The following RCAN1 variants were observed in gnomAD, a reference collection of about 807,000 sequenced individuals.
RCAN1 encodes calcipressin-1.
RCAN1 carries 11 observed loss-of-function variants against 22.9 expected under a neutral mutation model. That is an observed-to-expected ratio of 0.48 (90% CI 0.30 to 0.79). RCAN1 has a LOEUF of 0.79. RCAN1 is among the 30% of genes least tolerant of loss of function. The pLI, the probability that RCAN1 is intolerant of heterozygous loss-of-function variation, is 0.06. For synonymous variants in RCAN1, 136 were observed against 142.3 expected, an observed-to-expected ratio of 0.96 and a Z score of 0.32; for missense variants, 291 against 337.8, an observed-to-expected ratio of 0.86 and a Z score of 1.09.
At chr21:34,599,705 C>T (rs893923813) in intron 1 of RCAN1, among the ~76,000 whole-genome samples, 1 of 152,104 alleles carries the variant, frequency 6.6e-6, no homozygotes, top group Non-Finnish European at 1.5e-5. Flanking sequence ...AGATGGGATA[C>T]CAACTATTAC....
chr21:34,568,223 C>T (rs1170550884), intron 1 of RCAN1, among the ~76,000 whole-genome samples: 1 of 152,186 alleles, frequency 6.6e-6, no homozygotes, highest in African/African-American at 2.4e-5. Context: ...TCAGCCCCTA[C>T]AATCGGAATT....
intron 1 of RCAN1, among the ~76,000 whole-genome samples, chr21:34,586,463 A>G (rs558627295): frequency 6.6e-6 from 1 of 152,358 alleles, no homozygotes; most frequent in African/African-American, 2.4e-5. Context: ...AAGAAATTAT[A>G]CTGGAAATCA....
intron 1 of RCAN1, chr21:34,613,933 G>A (rs1463053857): frequency 2.6e-6 from 3 of 1,166,132 alleles, no homozygotes; most frequent in South Asian, 2.9e-5. Flanking sequence ...CTCAAAGACC[G>A]GTTTCATTCT....
At chr21:34,602,151 A>G (rs929906869) in intron 1 of RCAN1, among the ~76,000 whole-genome samples, 3 of 152,152 alleles carry the variant, frequency 2.0e-5, no homozygotes, top group African/African-American at 4.8e-5. Flanking sequence ...GCTACATGCA[A>G]TTCTCACAGC....
intron 3 of RCAN1, chr21:34,521,194 C>T: frequency 1.5e-6 from 2 of 1,372,120 alleles, no homozygotes; most frequent in Non-Finnish European, 1.9e-6. Flanking sequence ...GGCCGGGGCT[C>T]AGGCCTCCCA....
intron 3 of RCAN1, chr21:34,521,030 T>C (rs901510115): frequency 8.8e-7 from 1 of 1,131,560 alleles, no homozygotes; most frequent in Non-Finnish European, 1.1e-6. Context: ...CCATGGCCTA[T>C]GGTTCTCCTT....
rs533552832 is a variant in RCAN1 at position 34,551,602 on chromosome 21, A to T, written c.253-27892T>A. ...CAGCTGCTGAAGTTTCCACACTGGG[A>T]CACTTCCCCTAGTGAACATTCTTTT... On this transcript the variant is annotated intron_variant, in intron 1 of 3. Coordinates refer to ENST00000313806, the MANE Select transcript of RCAN1 (RefSeq NM_004414.7). Among the ~76,000 whole-genome samples, 68 of 151,244 alleles carry T rather than the reference A, an allele frequency of 4.5e-4. No homozygotes were observed. The South Asian group carries it at 0.014, about 32-fold the overall frequency.
chr21:34,598,272 A>G (rs547975630), intron 1 of RCAN1, among the ~76,000 whole-genome samples: 6 of 152,356 alleles, frequency 3.9e-5, no homozygotes, highest in East Asian at 3.8e-4. Context: ...CAAATACTGG[A>G]AAAAAAGAAT....
At chr21:34,598,871 G>C (rs1178277497) in intron 1 of RCAN1, among the ~76,000 whole-genome samples, 1 of 152,124 alleles carries the variant, frequency 6.6e-6, no homozygotes, top group African/African-American at 2.4e-5. Context: ...AGGAAAAAAA[G>C]CAACAACTGA....
At chr21:34,563,346 C>G (rs1025840411) in intron 1 of RCAN1, among the ~76,000 whole-genome samples, 1 of 152,048 alleles carries the variant, frequency 6.6e-6, no homozygotes, top group Non-Finnish European at 1.5e-5. Flanking sequence ...ATAAAGGGTC[C>G]GTAGTCTTGA....
chr21:34,570,875 A>T (rs965347676), intron 1 of RCAN1, among the ~76,000 whole-genome samples: 3 of 152,254 alleles, frequency 2.0e-5, no homozygotes, highest in African/African-American at 4.8e-5. Flanking sequence ...TATATTTTTT[A>T]AAAAATTCTT....
chr21:34,520,892 C>T (rs1984461689), intron 3 of RCAN1, among the ~76,000 whole-genome samples: 1 of 152,180 alleles, frequency 6.6e-6, no homozygotes, highest in Non-Finnish European at 1.5e-5. Flanking sequence ...AGGAACCTAC[C>T]CCCTCCCCGC....
chr21:34,585,837 T>C (rs981272268), intron 1 of RCAN1, among the ~76,000 whole-genome samples: 16 of 145,922 alleles, frequency 1.1e-4, no homozygotes, highest in African/African-American at 3.6e-4. Context: ...AACAGTAAGA[T>C]GACAGGAAAT....
At chr21:34,573,874 T>C (rs545737886) in intron 1 of RCAN1, among the ~76,000 whole-genome samples, 1 of 152,362 alleles carries the variant, frequency 6.6e-6, no homozygotes, top group African/African-American at 2.4e-5. Context: ...TATACATTGC[T>C]TTTCTAATTA....
chr21:34,540,374 G>C (rs533592809), intron 1 of RCAN1, among the ~76,000 whole-genome samples: 1 of 152,174 alleles, frequency 6.6e-6, no homozygotes, highest in Non-Finnish European at 1.5e-5. Flanking sequence ...CACCTACACT[G>C]AGCAGATTCT....
At chr21:34,561,914 G>A (rs1161210642) in intron 1 of RCAN1, among the ~76,000 whole-genome samples, 2 of 152,134 alleles carry the variant, frequency 1.3e-5, no homozygotes, top group Non-Finnish European at 2.9e-5. Flanking sequence ...TGAGGGATTT[G>A]GTTCCTTAAA....
At chr21:34,608,258 C>A (rs1480173383) in intron 1 of RCAN1, among the ~76,000 whole-genome samples, 1 of 152,162 alleles carries the variant, frequency 6.6e-6, no homozygotes, top group Non-Finnish European at 1.5e-5. Context: ...GTCCCTGGTA[C>A]CAAAAATGTT....
intron 1 of RCAN1, among the ~76,000 whole-genome samples, chr21:34,550,638 A>G (rs1352608775): frequency 6.6e-6 from 1 of 152,170 alleles, no homozygotes; most frequent in Non-Finnish European, 1.5e-5. Flanking sequence ...GAAACAACAC[A>G]TTTCTGTTGT....
At chr21:34,540,971 C>T (rs1303555746) in intron 1 of RCAN1, among the ~76,000 whole-genome samples, 3 of 151,772 alleles carry the variant, frequency 2.0e-5, no homozygotes, top group African/African-American at 7.3e-5. Flanking sequence ...GAATACAGAG[C>T]GAGACTCTGT....
Sources: allele counts gnomAD v4.1 joint callset (sites outside exome capture counted in the v4.1 genomes callset), GRCh38; gene constraint gnomAD v4.1.1; transcripts MANE v1.5; gene names NCBI Gene and HGNC (gene_info 2026-07-23, HGNC 2026-07-21).